KANTR: variants seen among roughly 807,000 people sequenced by gnomAD.
KANTR encodes KDM5C adjacent transcript.
downstream of KANTR, among the ~76,000 whole-genome samples, chrX:53,145,444 C>T (rs1401303703): frequency 1.8e-5 from 2 of 111,901 alleles, no homozygotes; most frequent in Non-Finnish European, 3.8e-5. Context: ...AAGGTGGCAG[C>T]GAGGCTGGGG....
chrX:53,112,670 T>TC (rs1401375043), intron 2 of KANTR, among the ~76,000 whole-genome samples: 1 of 110,861 alleles, frequency 9.0e-6, no homozygotes, highest in Non-Finnish European at 1.9e-5. Flanking sequence ...CCTCTGCTTG[T>TC]CCTTGATTTT....
exon 3 of KANTR, chrX:53,141,917 C>A: frequency 1.9e-6 from 1 of 522,640 alleles, no homozygotes; most frequent in Non-Finnish European, 2.5e-6. Flanking sequence ...AAAACATCAG[C>A]TAAGAAAGGA....
chrX:53,110,280 G>A (rs1933013415), intron 2 of KANTR, among the ~76,000 whole-genome samples: 1 of 111,219 alleles, frequency 9.0e-6, no homozygotes, highest in African/African-American at 3.3e-5. Context: ...TGGTAGCTGT[G>A]GGTTTGTTAT....
At chrX:53,110,734 C>CCAA (rs1427571259) in intron 2 of KANTR, among the ~76,000 whole-genome samples, 2 of 110,896 alleles carry the variant, frequency 1.8e-5, no homozygotes, top group Non-Finnish European at 3.8e-5. Flanking sequence ...ACCAGCCTGA[C>CCAA]CAACATGGTG....
chrX:53,115,750 G>A (rs1556814488), intron 2 of KANTR, among the ~76,000 whole-genome samples: 2 of 112,819 alleles, frequency 1.8e-5, no homozygotes. Context: ...TGGGGTTGGG[G>A]GAGGGGTGGC....
chrX:53,116,161 A>AG (rs1933119961), intron 2 of KANTR, among the ~76,000 whole-genome samples: 2 of 111,390 alleles, frequency 1.8e-5, no homozygotes, highest in Admixed American at 1.9e-4. Flanking sequence ...CTGGATTCCT[A>AG]GGGGTCACAC....
chrX:53,131,420 A>G (rs1229478555), downstream of KANTR, among the ~76,000 whole-genome samples: 1 of 112,326 alleles, frequency 8.9e-6, no homozygotes, highest in East Asian at 2.8e-4. Flanking sequence ...ATGAATCATA[A>G]CAAAATGGAT....
chrX:53,116,340 C>T (rs1933123123), intron 2 of KANTR, among the ~76,000 whole-genome samples: 1 of 112,230 alleles, frequency 8.9e-6, no homozygotes, highest in Admixed American at 9.5e-5. Context: ...TTTGTACTTG[C>T]ACAGGGCCTC....
chrX:53,118,184 T>A (rs112684171), intron 2 of KANTR, among the ~76,000 whole-genome samples: 58 of 111,773 alleles, frequency 5.2e-4, no homozygotes, highest in African/African-American at 1.7e-3. Context: ...GGAATGTGAT[T>A]GTTGATTAAT....
intron 1 of KANTR, among the ~76,000 whole-genome samples, chrX:53,096,320 G>C (rs1932844759): frequency 8.9e-6 from 1 of 112,243 alleles, no homozygotes; most frequent in South Asian, 3.6e-4. Context: ...ACACCTAGTA[G>C]ACTTTCTCAA....
At chrX:53,104,827 A>G (rs1451724405) in intron 2 of KANTR, among the ~76,000 whole-genome samples, 1 of 110,520 alleles carries the variant, frequency 9.0e-6, no homozygotes, top group Non-Finnish European at 1.9e-5. Flanking sequence ...GGCCAATATG[A>G]CTAATATTTC....
intron 2 of KANTR, among the ~76,000 whole-genome samples, chrX:53,133,584 G>A (rs1335614298): frequency 2.7e-5 from 3 of 111,238 alleles, no homozygotes; most frequent in Non-Finnish European, 3.8e-5. Flanking sequence ...GTGCTGGTGC[G>A]GCTCCTGCAC....
intron 2 of KANTR, among the ~76,000 whole-genome samples, chrX:53,114,890 C>A (rs1556814335): frequency 1.8e-5 from 2 of 110,301 alleles, no homozygotes; most frequent in African/African-American, 6.6e-5. Flanking sequence ...GGGCCTGAAC[C>A]CTGGGTCAGC....
intron 2 of KANTR, among the ~76,000 whole-genome samples, chrX:53,114,375 G>T (rs1933092861): frequency 1.8e-5 from 2 of 112,373 alleles, no homozygotes; most frequent in African/African-American, 6.5e-5. Context: ...CCTTGTGGCT[G>T]TGCATTGGTG....
At chrX:53,113,760 A>C (rs1408933681) in intron 2 of KANTR, among the ~76,000 whole-genome samples, 1 of 107,047 alleles carries the variant, frequency 9.3e-6, no homozygotes, top group Non-Finnish European at 1.9e-5. Context: ...TTGTATTTTT[A>C]GTAGAGATGG....
downstream of KANTR, among the ~76,000 whole-genome samples, chrX:53,146,461 C>G (rs1933576991): frequency 9.0e-6 from 1 of 111,444 alleles, no homozygotes; most frequent in Non-Finnish European, 1.9e-5. Context: ...TAAAAAGAAA[C>G]AAAGCCTCCA....
chrX:53,122,034 G>A (rs1933229823), intron 2 of KANTR, among the ~76,000 whole-genome samples: 1 of 112,355 alleles, frequency 8.9e-6, no homozygotes, highest in Non-Finnish European at 1.9e-5. Context: ...CTTCTGTAAA[G>A]ATTTGTCTCT....
chrX:53,111,704 AT>A (rs1556813807), intron 2 of KANTR, among the ~76,000 whole-genome samples: 1 of 111,920 alleles, frequency 8.9e-6, no homozygotes, highest in African/African-American at 3.2e-5. Flanking sequence ...GAATACAGTC[AT>A]GAGTTCTTAG....
chrX:53,105,921 G>A (rs1320475953), intron 2 of KANTR, among the ~76,000 whole-genome samples: 5 of 91,854 alleles, frequency 5.4e-5, no homozygotes, highest in African/African-American at 1.3e-4. Flanking sequence ...GCAGTGGCGC[G>A]ATCTCGGCTC....
Sources: gnomAD v4.1 joint callset for allele counts (sites outside exome capture counted in the v4.1 genomes callset) on GRCh38, gnomAD v4.1.1 for gene constraint, MANE v1.5 for transcripts, NCBI Gene and HGNC (gene_info 2026-07-23, HGNC 2026-07-21) for gene names.